Variants in RGPD2 observed in about 807,000 individuals in gnomAD.
The protein encoded by RGPD2 is RANBP2 like and GRIP domain containing 2.
In RGPD2, 2 loss-of-function variants were observed where a neutral mutation model predicts 36.0. The observed-to-expected ratio is 0.06, with a 90% CI of 0.02 to 0.17. The LOEUF (loss-of-function observed/expected upper bound fraction) is 0.17. Among genes scored for constraint, RGPD2 ranks in the 10% least tolerant of loss-of-function variants. The pLI is 1.00. For synonymous variants in RGPD2, 19 were observed against 163.8 expected (o/e 0.12, Z 6.75); for missense variants, 40 against 464.3 (o/e 0.09, Z 8.40).
At chr2:87,961,303 A>G in the RGPD2 span, among the ~76,000 whole-genome samples, 4 of 152,170 alleles carry the variant, frequency 2.6e-5, no homozygotes, top group Non-Finnish European at 5.9e-5. Flanking sequence ...CCGGCGGAGG[A>G]CCACTGTGAC....
chr2:87,975,051 T>TTG, the RGPD2 span, among the ~76,000 whole-genome samples: 1 of 152,132 alleles, frequency 6.6e-6, no homozygotes, highest in Non-Finnish European at 1.5e-5. Context: ...TCTAATTTAT[T>TTG]CTCTTATTAT....
At chr2:87,972,736 G>A in the RGPD2 span, 3 of 1,610,896 alleles carry the variant, frequency 1.9e-6, no homozygotes, top group Non-Finnish European at 1.7e-6. Context: ...TTCGAGAGCT[G>A]TGCCCAGGAG....
the RGPD2 span, among the ~76,000 whole-genome samples, chr2:87,964,440 C>T: frequency 1.3e-5 from 2 of 152,048 alleles, no homozygotes; most frequent in Admixed American, 1.3e-4. Flanking sequence ...AAGCATACCT[C>T]ATTTTATTGC....
chr2:87,759,393 C>T (rs1299878106), intron 22 of RGPD2, among the ~76,000 whole-genome samples: 1 of 6,206 alleles, frequency 1.6e-4, no homozygotes, highest in African/African-American at 3.9e-4. Flanking sequence ...GTACAGACTT[C>T]TTATGCTTAA....
the RGPD2 span, among the ~76,000 whole-genome samples, chr2:87,878,811 A>G: frequency 1.3e-5 from 2 of 152,222 alleles, no homozygotes; most frequent in South Asian, 2.1e-4. Context: ...TTTAGATTTC[A>G]TATATAAGAG....
the RGPD2 span, among the ~76,000 whole-genome samples, chr2:87,881,425 G>A: frequency 6.6e-6 from 1 of 152,190 alleles, no homozygotes; most frequent in Non-Finnish European, 1.5e-5. Flanking sequence ...TTTTCCTGGG[G>A]ACCCAGGCTT....
At chr2:87,984,792 T>C in the RGPD2 span, among the ~76,000 whole-genome samples, 1 of 151,322 alleles carries the variant, frequency 6.6e-6, no homozygotes, top group Non-Finnish European at 1.5e-5. Context: ...TAGCCGGGCG[T>C]GGTGGCGGGC....
the RGPD2 span, among the ~76,000 whole-genome samples, chr2:87,920,844 T>C: frequency 2.0e-5 from 2 of 97,868 alleles, no homozygotes; most frequent in Non-Finnish European, 4.1e-5. Context: ...CTTCATTTAC[T>C]GAGTGACCTT....
chr2:87,828,601 CTT>C (rs1365997067), upstream of RGPD2, among the ~76,000 whole-genome samples: 2 of 150,624 alleles, frequency 1.3e-5, no homozygotes, highest in Admixed American at 1.3e-4. Flanking sequence ...ATCAATGATT[CTT>C]TGTTCTTGTT....
At chr2:87,877,569 C>T in the RGPD2 span, among the ~76,000 whole-genome samples, 2,720 of 151,744 alleles carry the variant, frequency 0.018, 10 homozygotes, top group African/African-American at 0.061. Flanking sequence ...TTTGGGAGGC[C>T]GAGGAGGGCA....
the RGPD2 span, among the ~76,000 whole-genome samples, chr2:87,964,599 T>G: frequency 1.3e-5 from 2 of 151,878 alleles, no homozygotes; most frequent in Non-Finnish European, 2.9e-5. Context: ...AGTGGCACGA[T>G]CTCAGCTCAC....
At chr2:87,849,031 CA>C in the RGPD2 span, among the ~76,000 whole-genome samples, 17 of 151,960 alleles carry the variant, frequency 1.1e-4, no homozygotes, top group East Asian at 3.1e-3. Flanking sequence ...GTTTGAGTTA[CA>C]AAAAAACATT....
chr2:87,906,725 C>G, the RGPD2 span, among the ~76,000 whole-genome samples: 17 of 150,896 alleles, frequency 1.1e-4, no homozygotes, highest in Non-Finnish European at 2.5e-4. Flanking sequence ...TCTGAACCCT[C>G]TAAGCGGTAT....
At chr2:87,760,896 CG>C (rs1190117296) in intron 22 of RGPD2, among the ~76,000 whole-genome samples, 1 of 150,096 alleles carries the variant, frequency 6.7e-6, no homozygotes, top group Non-Finnish European at 1.5e-5. Flanking sequence ...GCATTATAGG[CG>C]TAAGCCACCA....
chr2:87,952,645 A>G, the RGPD2 span, among the ~76,000 whole-genome samples: 4 of 151,836 alleles, frequency 2.6e-5, no homozygotes, highest in Admixed American at 2.0e-4. Context: ...AATTAATGCC[A>G]ACTCTGATGA....
chr2:87,878,257 C>T, the RGPD2 span, among the ~76,000 whole-genome samples: 10 of 149,890 alleles, frequency 6.7e-5, no homozygotes, highest in South Asian at 1.9e-3. Context: ...TTGTCTGCCT[C>T]TGTTATTTCA....
the RGPD2 span, among the ~76,000 whole-genome samples, chr2:87,857,754 C>T: frequency 7.3e-3 from 1,041 of 143,364 alleles, 2 homozygotes; most frequent in African/African-American, 0.015. Flanking sequence ...CTGGCCAACA[C>T]GGTGAAACCC....
In RGPD2 at chr2:87,825,756, G is replaced by A. The variant is rs1478271733; in HGVS notation, c.-27C>T. Reference sequence around the variant, plus strand: ...GCACCGCCAACCTGGCTCCCGAGACGCGTGAAACCAGCGCTCAGCCCCGCA... The same window carrying A: ...GCACCGCCAACCTGGCTCCCGAGACACGTGAAACCAGCGCTCAGCCCCGCA... On this transcript the variant is annotated 5_prime_UTR_variant, in exon 1 of 23. Transcript: ENST00000398146. The A allele has an allele frequency of 3.2e-6, 5 of 1,581,878 alleles. No individual in the cohort carries two copies. The highest frequency in any genetic ancestry group is 2.3e-5 in the South Asian group (2 of 86,990).
the RGPD2 span, among the ~76,000 whole-genome samples, chr2:87,938,198 G>A: frequency 6.6e-6 from 1 of 151,676 alleles, no homozygotes; most frequent in Non-Finnish European, 1.5e-5. Context: ...AGTGGGTAGA[G>A]AAAGAATAAT....
Sources: allele counts gnomAD v4.1 joint callset (sites outside exome capture counted in the v4.1 genomes callset), GRCh38; gene constraint gnomAD v4.1.1; transcripts MANE v1.5; gene names NCBI Gene and HGNC (gene_info 2026-07-23, HGNC 2026-07-21).